Variants in GALNT13 observed in about 807,000 individuals in gnomAD.
GALNT13 encodes the protein UDP-GalNAc:polypeptide N-acetylgalactosaminyltransferase 13.
Under a neutral mutation model 64.2 loss-of-function variants are expected in GALNT13, and 28 were observed. The observed-to-expected ratio is 0.44, with a 90% confidence interval of 0.32 to 0.60. The LOEUF (loss-of-function observed/expected upper bound fraction) is 0.60. GALNT13 is among the 20% of genes least tolerant of loss of function. The pLI, the probability that GALNT13 is intolerant of heterozygous loss-of-function variation, is 0.05. For missense variants in GALNT13, 577 were observed against 669.8 expected, an observed-to-expected ratio of 0.86 and a Z score of 1.53; for synonymous variants, 214 against 224.6, an observed-to-expected ratio of 0.95 and a Z score of 0.42.
chr2:154,300,235 T>C (rs1693361192), intron 8 of GALNT13, among the ~76,000 whole-genome samples: 1 of 151,832 alleles, frequency 6.6e-6, no homozygotes, highest in Non-Finnish European at 1.5e-5. Flanking sequence ...CCTGAGTAGC[T>C]GGGACTACAG....
the GALNT13 span, among the ~76,000 whole-genome samples, chr2:153,398,794 T>A: frequency 7.0e-6 from 1 of 142,072 alleles, no homozygotes; most frequent in Admixed American, 7.1e-5. Flanking sequence ...TGTAAATTTG[T>A]TGGAGTTCAT....
At chr2:154,006,823 A>G (rs1234061957) in intron 3 of GALNT13, among the ~76,000 whole-genome samples, 3 of 152,188 alleles carry the variant, frequency 2.0e-5, no homozygotes, top group Non-Finnish European at 2.9e-5. Context: ...CAAGCTTTCA[A>G]TTGATACCAC....
chr2:154,244,955 TG>T (rs1413266140), intron 6 of GALNT13, among the ~76,000 whole-genome samples: 1 of 151,878 alleles, frequency 6.6e-6, no homozygotes, highest in African/African-American at 2.4e-5. Context: ...ACTCTGTCTC[TG>T]CTAAAAATAC....
At chr2:153,180,941 G>A in the GALNT13 span, among the ~76,000 whole-genome samples, 1 of 135,848 alleles carries the variant, frequency 7.4e-6, no homozygotes, top group Admixed American at 7.4e-5. Flanking sequence ...TATTAATTTT[G>A]TTTATCTTTT....
At chr2:153,650,840 A>T in the GALNT13 span, among the ~76,000 whole-genome samples, 1 of 152,128 alleles carries the variant, frequency 6.6e-6, no homozygotes, top group Non-Finnish European at 1.5e-5. Flanking sequence ...AACAAAATGC[A>T]CATTTCATCC....
At chr2:153,267,380 C>A in the GALNT13 span, among the ~76,000 whole-genome samples, 693 of 152,300 alleles carry the variant, frequency 4.6e-3, 7 homozygotes, top group African/African-American at 0.016. Context: ...CAGACTTCTT[C>A]CTGGACATAC....
the GALNT13 span, among the ~76,000 whole-genome samples, chr2:153,217,474 T>C: frequency 1.7e-3 from 252 of 152,258 alleles, no homozygotes; most frequent in African/African-American, 5.8e-3. Flanking sequence ...TTAGATGGTT[T>C]GATAGTGTCC....
chr2:153,635,097 G>GA, the GALNT13 span, among the ~76,000 whole-genome samples: 10 of 148,978 alleles, frequency 6.7e-5, no homozygotes, highest in Admixed American at 6.7e-5. Flanking sequence ...GAAAGCAGGG[G>GA]AAAAAAAAAC....
chr2:153,468,049 C>A, the GALNT13 span, among the ~76,000 whole-genome samples: 1 of 151,648 alleles, frequency 6.6e-6, no homozygotes, highest in Non-Finnish European at 1.5e-5. Context: ...TTCACTCAAT[C>A]TTTATTAAGT....
chr2:153,846,567 C>T, the GALNT13 span, among the ~76,000 whole-genome samples: 6 of 152,028 alleles, frequency 3.9e-5, no homozygotes, highest in African/African-American at 1.4e-4. Flanking sequence ...AATGTAAATG[C>T]TCTAACAAAT....
intron 9 of GALNT13, among the ~76,000 whole-genome samples, chr2:154,302,413 A>T (rs1441700269): frequency 6.6e-6 from 1 of 152,220 alleles, no homozygotes; most frequent in Admixed American, 6.5e-5. Context: ...CCATCAGGAC[A>T]ACAACAAAAA....
At chr2:153,715,052 C>T in the GALNT13 span, among the ~76,000 whole-genome samples, 2 of 150,044 alleles carry the variant, frequency 1.3e-5, no homozygotes, top group African/African-American at 5.0e-5. Flanking sequence ...CATTCCATCG[C>T]ACCATGGCTC....
At chr2:153,801,879 G>A in the GALNT13 span, among the ~76,000 whole-genome samples, 4 of 152,024 alleles carry the variant, frequency 2.6e-5, no homozygotes, top group African/African-American at 4.8e-5. Context: ...GTATTGCTTC[G>A]TGTATTCTTT....
intron 12 of GALNT13, among the ~76,000 whole-genome samples, chr2:154,444,243 C>T (rs1225089448): frequency 6.6e-6 from 1 of 151,848 alleles, no homozygotes; most frequent in African/African-American, 2.4e-5. Flanking sequence ...GTTGATATAC[C>T]TAATAAAGAG....
chr2:153,579,279 A>AT, the GALNT13 span, among the ~76,000 whole-genome samples: 28 of 150,406 alleles, frequency 1.9e-4, no homozygotes, highest in Middle Eastern at 6.8e-3. Context: ...GACATGGCAG[A>AT]TTTTTTTTTT....
At chr2:154,365,202 C>A (rs1697301347) in intron 9 of GALNT13, among the ~76,000 whole-genome samples, 1 of 152,136 alleles carries the variant, frequency 6.6e-6, no homozygotes, top group Non-Finnish European at 1.5e-5. Context: ...ATTCACTGAA[C>A]ACCTTTACCA....
At chr2:153,124,003 T>C in the GALNT13 span, among the ~76,000 whole-genome samples, 3 of 152,186 alleles carry the variant, frequency 2.0e-5, no homozygotes, top group Non-Finnish European at 2.9e-5. Context: ...GACTGTGAGT[T>C]CTATCTTGTT....
At chr2:153,650,815 T>C in the GALNT13 span, among the ~76,000 whole-genome samples, 13 of 152,284 alleles carry the variant, frequency 8.5e-5, no homozygotes, top group Non-Finnish European at 1.5e-5. Flanking sequence ...CTAAAGACTG[T>C]TTTAAATTAC....
chr2:154,200,974 CA>C (rs1687138381), intron 4 of GALNT13, among the ~76,000 whole-genome samples: 1 of 152,012 alleles, frequency 6.6e-6, no homozygotes, highest in Non-Finnish European at 1.5e-5. Flanking sequence ...TTCTATTTTA[CA>C]ACAATTAAAA....
Sources: gnomAD v4.1 joint callset for allele counts (sites outside exome capture counted in the v4.1 genomes callset) on GRCh38, gnomAD v4.1.1 for gene constraint, MANE v1.5 for transcripts, NCBI Gene and HGNC (gene_info 2026-07-23, HGNC 2026-07-21) for gene names.